GRM8: variants seen among roughly 807,000 people sequenced by gnomAD.
GRM8 encodes the protein metabotropic glutamate receptor 8.
A neutral mutation model predicts 87.2 loss-of-function variants in GRM8; 47 were observed. The observed-to-expected ratio is 0.54, with a 90% CI of 0.43 to 0.69. The LOEUF (loss-of-function observed/expected upper bound fraction) is 0.69, where lower values mean the gene tolerates loss of function less well. GRM8 is among the 30% of genes least tolerant of loss of function. GRM8 has a pLI of 0.00. For synonymous variants in GRM8, 396 were observed against 404.5 expected (o/e 0.98, Z 0.25); for missense variants, 1,019 against 1,139.2 (o/e 0.89, Z 1.52).
intron 6 of GRM8, among the ~76,000 whole-genome samples, chr7:126,828,259 A>G (rs918620310): frequency 2.0e-5 from 3 of 152,020 alleles, no homozygotes; most frequent in African/African-American, 7.2e-5. Context: ...CTCTTTTTCT[A>G]TTGATTAGAA....
chr7:126,484,203 G>C (rs1324700205), intron 9 of GRM8, among the ~76,000 whole-genome samples: 1 of 152,074 alleles, frequency 6.6e-6, no homozygotes, highest in Non-Finnish European at 1.5e-5. Context: ...AAGTTACTCT[G>C]TCATACAAAA....
At chr7:127,022,829 T>C (rs546646240) in intron 3 of GRM8, among the ~76,000 whole-genome samples, 39 of 152,150 alleles carry the variant, frequency 2.6e-4, no homozygotes, top group Non-Finnish European at 4.7e-4. Context: ...TGTAGCATAG[T>C]GACTTCAGTC....
intron 3 of GRM8, among the ~76,000 whole-genome samples, chr7:126,960,180 G>C (rs928509473): frequency 2.0e-5 from 3 of 152,034 alleles, no homozygotes; most frequent in East Asian, 3.9e-4. Context: ...CTGGCAACTA[G>C]TGGTGAGGGA....
At chr7:127,093,937 A>G (rs1176299165) in intron 3 of GRM8, among the ~76,000 whole-genome samples, 1 of 152,252 alleles carries the variant, frequency 6.6e-6, no homozygotes, top group Non-Finnish European at 1.5e-5. Context: ...ACCTATTTCA[A>G]TCAACTATTC....
intron 7 of GRM8, among the ~76,000 whole-genome samples, chr7:126,667,247 G>A (rs1230203088): frequency 6.6e-6 from 1 of 152,286 alleles, no homozygotes; most frequent in East Asian, 1.9e-4. Flanking sequence ...CACATACTAA[G>A]ATGCTATTTG....
At chr7:127,161,476 C>T (rs983141893) in intron 2 of GRM8, among the ~76,000 whole-genome samples, 3 of 152,178 alleles carry the variant, frequency 2.0e-5, no homozygotes, top group African/African-American at 7.2e-5. Flanking sequence ...CCCTGACACT[C>T]AGTCTCAGTC....
intron 3 of GRM8, among the ~76,000 whole-genome samples, chr7:126,922,124 A>G (rs1157159995): frequency 2.6e-5 from 4 of 152,186 alleles, no homozygotes; most frequent in Non-Finnish European, 5.9e-5. Flanking sequence ...GGATGAATTG[A>G]TAAGTTATAT....
intron 6 of GRM8, among the ~76,000 whole-genome samples, chr7:126,827,174 G>T (rs981284904): frequency 6.6e-6 from 1 of 152,114 alleles, no homozygotes; most frequent in Non-Finnish European, 1.5e-5. Context: ...TGTTCTTTTG[G>T]CTTAGGATTG....
At chr7:127,091,749 TCCCGTC>T (rs1824125159) in intron 3 of GRM8, among the ~76,000 whole-genome samples, 1 of 47,666 alleles carries the variant, frequency 2.1e-5, no homozygotes, top group Non-Finnish European at 4.2e-5. Context: ...TGGTCATCCC[TCCCGTC>T]CCACTGATCA....
chr7:126,653,538 C>T (rs1804173329), intron 7 of GRM8, among the ~76,000 whole-genome samples: 1 of 152,052 alleles, frequency 6.6e-6, no homozygotes, highest in Admixed American at 6.5e-5. Context: ...ATTGTATAGA[C>T]AAGAATTAGT....
chr7:127,154,893 T>G (rs756443420), intron 2 of GRM8, among the ~76,000 whole-genome samples: 5 of 152,170 alleles, frequency 3.3e-5, no homozygotes, highest in African/African-American at 4.8e-5. Flanking sequence ...TTCATATTGA[T>G]TTAAAGATGT....
At chr7:126,482,095 A>C (rs1198541749) in intron 9 of GRM8, among the ~76,000 whole-genome samples, 1 of 152,072 alleles carries the variant, frequency 6.6e-6, no homozygotes, top group African/African-American at 2.4e-5. Flanking sequence ...GCAAATCATA[A>C]GTATGAGACA....
At chr7:126,874,868 T>G (rs186804987) in intron 6 of GRM8, among the ~76,000 whole-genome samples, 1 of 152,288 alleles carries the variant, frequency 6.6e-6, no homozygotes, top group East Asian at 1.9e-4. Flanking sequence ...ATCAATGTAT[T>G]AAAATGTGTA....
rs114970175 is a variant in GRM8 at position 126,962,400 on chromosome 7, T to G, written c.728-57717A>C. Among the ~76,000 whole-genome samples the G allele has an allele frequency of 4.5e-3, 693 of 152,330 alleles. 7 individuals carry two copies. The highest frequency in any genetic ancestry group is 0.016 in the African/African-American group (666 of 41,560). ...GTGAAAAGCAAAGCAAAAATAAGAT[T>G]ATAGCACCAGGAATTTGTTGAATAC... On this transcript the variant is annotated intron_variant, in intron 3 of 10. Transcript: ENST00000339582.
intron 6 of GRM8, among the ~76,000 whole-genome samples, chr7:126,853,183 C>G (rs1797373061): frequency 6.6e-6 from 1 of 152,146 alleles, no homozygotes; most frequent in Non-Finnish European, 1.5e-5. Context: ...CTTGACTGGC[C>G]TTAGAGGATG....
At chr7:127,179,919 T>A (rs1416681712) in intron 2 of GRM8, among the ~76,000 whole-genome samples, 1 of 151,930 alleles carries the variant, frequency 6.6e-6, no homozygotes, top group African/African-American at 2.4e-5. Flanking sequence ...AAACTGATAT[T>A]CTAAGGTCAC....
At chr7:127,012,330 G>A (rs1308865845) in intron 3 of GRM8, among the ~76,000 whole-genome samples, 1 of 152,022 alleles carries the variant, frequency 6.6e-6, no homozygotes, top group African/African-American at 2.4e-5. Context: ...TATACCCGGT[G>A]TGCCCAATAC....
chr7:126,466,811 A>T (rs1487341259), intron 9 of GRM8, among the ~76,000 whole-genome samples: 1 of 151,806 alleles, frequency 6.6e-6, no homozygotes, highest in Admixed American at 6.6e-5. Context: ...TACTCAGTCT[A>T]CCTATTCAAA....
chr7:126,842,417 A>G (rs1291884811), intron 6 of GRM8, among the ~76,000 whole-genome samples: 2 of 152,376 alleles, frequency 1.3e-5, no homozygotes, highest in Non-Finnish European at 2.9e-5. Flanking sequence ...CTTGCTAAAT[A>G]CCATTTAACT....
Sources: allele counts gnomAD v4.1 joint callset (sites outside exome capture counted in the v4.1 genomes callset), GRCh38; gene constraint gnomAD v4.1.1; transcripts MANE v1.5; gene names NCBI Gene and HGNC (gene_info 2026-07-23, HGNC 2026-07-21).